Variants in NRXN1 observed in about 807,000 individuals in gnomAD.
NRXN1 encodes the protein neurexin-1.
A neutral mutation model predicts 150.9 loss-of-function variants in NRXN1; 39 were observed. The observed-to-expected ratio is 0.26, with a 90% CI of 0.20 to 0.34. NRXN1 has a LOEUF of 0.34. Among genes scored for constraint, NRXN1 ranks in the 10% least tolerant of loss-of-function variants. The pLI is 1.00. For synonymous variants in NRXN1, 924 were observed against 757.0 expected, an observed-to-expected ratio of 1.22 and a Z score of -3.62; for missense variants, 1,815 against 1,949.9, an observed-to-expected ratio of 0.93 and a Z score of 1.30.
At chr2:50,634,654 T>C (rs1682958565) in intron 5 of NRXN1, among the ~76,000 whole-genome samples, 2 of 152,202 alleles carry the variant, frequency 1.3e-5, no homozygotes, top group African/African-American at 4.8e-5. Context: ...TTTAAAAGTT[T>C]GGGCTAATTT....
chr2:50,350,092 A>T (rs1276004227), intron 17 of NRXN1, among the ~76,000 whole-genome samples: 1 of 152,220 alleles, frequency 6.6e-6, no homozygotes, highest in South Asian at 2.1e-4. Context: ...ATGGGGAAAT[A>T]CAGGGCTATG....
chr2:50,497,796 C>T (rs1016406313), intron 13 of NRXN1, 82 bp from the exon 14 acceptor site: 1 of 1,359,010 alleles, frequency 7.4e-7, no homozygotes, highest in African/African-American at 1.5e-5. Context: ...ATATCACATT[C>T]TAAAATACAA....
intron 19 of NRXN1, among the ~76,000 whole-genome samples, chr2:50,068,129 T>A: frequency 6.6e-6 from 1 of 152,302 alleles, no homozygotes; most frequent in African/African-American, 2.4e-5. Context: ...TTATTTTCAA[T>A]GGACTTCAAT....
At chr2:50,282,194 A>C (rs2071551521) in intron 17 of NRXN1, among the ~76,000 whole-genome samples, 1 of 152,194 alleles carries the variant, frequency 6.6e-6, no homozygotes. Flanking sequence ...CTGTATCATA[A>C]AGAGCTTTAT....
intron 8 of NRXN1, among the ~76,000 whole-genome samples, chr2:50,597,287 C>G (rs1393829477): frequency 2.0e-5 from 3 of 152,278 alleles, no homozygotes; most frequent in Non-Finnish European, 4.4e-5. Context: ...TACCCCAAAC[C>G]TTTGAATGAT....
chr2:50,272,793 G>C (rs962017517), intron 17 of NRXN1, among the ~76,000 whole-genome samples: 2 of 151,796 alleles, frequency 1.3e-5, no homozygotes, highest in Non-Finnish European at 2.9e-5. Flanking sequence ...TCCAGATTTA[G>C]AATAAAACTG....
chr2:50,019,344 G>A, intron 21 of NRXN1: 1 of 470,960 alleles, frequency 2.1e-6, no homozygotes. Flanking sequence ...TGGAAATTTA[G>A]TACTTAAGAG....
At chr2:50,537,380 A>G (rs573074555) in intron 10 of NRXN1, among the ~76,000 whole-genome samples, 4 of 152,284 alleles carry the variant, frequency 2.6e-5, no homozygotes, top group East Asian at 3.9e-4. Flanking sequence ...TGACTAAAGC[A>G]TTTATCTGAA....
intron 5 of NRXN1, among the ~76,000 whole-genome samples, chr2:50,905,233 T>C (rs377031363): frequency 6.6e-6 from 1 of 152,274 alleles, no homozygotes; most frequent in East Asian, 1.9e-4. Context: ...CATTAAGATG[T>C]CTTTTTAAAG....
intron 18 of NRXN1, among the ~76,000 whole-genome samples, chr2:50,159,074 TTTGTTGTTG>T (rs35066147): frequency 1.1e-4 from 16 of 151,838 alleles, no homozygotes; most frequent in Non-Finnish European, 7.4e-5. Flanking sequence ...TGAAAGTCTC[TTTGTTGTTG>T]TTGTTGTTGT....
At chr2:50,224,693 AAGAGAGAGAGAGAGAGAGAGAGAG>A (rs201700032) in intron 18 of NRXN1, among the ~76,000 whole-genome samples, 1 of 130,448 alleles carries the variant, frequency 7.7e-6, no homozygotes, top group Admixed American at 7.7e-5. Context: ...GAGAGGGAGA[AAGAGAGAGAGAGAGAGAGAGAGAG>A]AGAGAGAGAG....
chr2:50,526,979 A>G (rs1276091367), intron 12 of NRXN1, among the ~76,000 whole-genome samples: 1 of 152,184 alleles, frequency 6.6e-6, no homozygotes, highest in Non-Finnish European at 1.5e-5. Context: ...ATTATACTAT[A>G]AACATACATT....
chr2:50,655,471 G>C (rs1464091661), intron 5 of NRXN1, among the ~76,000 whole-genome samples: 3 of 151,940 alleles, frequency 2.0e-5, no homozygotes, highest in Non-Finnish European at 4.4e-5. Context: ...ATCTGACCCA[G>C]TCCAATCTGA....
chr2:50,547,635 A>G (rs767536528), intron 9 of NRXN1: 14 of 152,188 alleles, frequency 9.2e-5, no homozygotes, highest in African/African-American at 2.7e-4. Flanking sequence ...TATTAAGTCC[A>G]CTGACTTAGG....
At chr2:50,892,059 T>C (rs376214133) in intron 5 of NRXN1, among the ~76,000 whole-genome samples, 3 of 152,228 alleles carry the variant, frequency 2.0e-5, no homozygotes, top group East Asian at 1.9e-4. Flanking sequence ...ACTATTATTT[T>C]AGGGAAAGAA....
At chr2:50,785,066 C>T (rs1704891116) in intron 5 of NRXN1, among the ~76,000 whole-genome samples, 1 of 151,754 alleles carries the variant, frequency 6.6e-6, no homozygotes, top group South Asian at 2.1e-4. Context: ...TGTGCCTTTC[C>T]AAGAAGAGGA....
chr2:50,357,294 ATTTATTTATTTT>A (rs1363150988), intron 17 of NRXN1, among the ~76,000 whole-genome samples: 1 of 149,928 alleles, frequency 6.7e-6, no homozygotes, highest in African/African-American at 2.5e-5. Flanking sequence ...ACATTTATTT[ATTTATTTATTTT>A]TTTTTTTATT....
chr2:50,926,921 C>T (rs1686984645), intron 2 of NRXN1, among the ~76,000 whole-genome samples: 1 of 151,552 alleles, frequency 6.6e-6, no homozygotes, highest in African/African-American at 2.4e-5. Context: ...ATTATTAGTA[C>T]CTAGTGGAAA....
At chr2:50,482,089 A>G (rs1174697032) in intron 15 of NRXN1, among the ~76,000 whole-genome samples, 1 of 152,086 alleles carries the variant, frequency 6.6e-6, no homozygotes, top group Non-Finnish European at 1.5e-5. Flanking sequence ...TCTTATTTAA[A>G]TTTTGAAACA....
Sources: gnomAD v4.1 joint callset for allele counts (sites outside exome capture counted in the v4.1 genomes callset) on GRCh38, gnomAD v4.1.1 for gene constraint, MANE v1.5 for transcripts, NCBI Gene and HGNC (gene_info 2026-07-23, HGNC 2026-07-21) for gene names.